Variants in STRADA observed in about 807,000 individuals in gnomAD.
STRADA encodes the protein STE20 related adaptor alpha.
Under a neutral mutation model 55.0 loss-of-function variants are expected in STRADA, and 26 were observed. The observed-to-expected ratio is 0.47, with a 90% confidence interval of 0.35 to 0.66. The LOEUF is 0.66. Ranked by LOEUF, STRADA falls within the 30% of genes least tolerant of loss-of-function variation. The probability of loss-of-function intolerance (pLI) is 0.01; values close to 1 mark genes in which losing one functional copy is unlikely to be tolerated. For synonymous variants in STRADA, 197 were observed against 210.9 expected, an observed-to-expected ratio of 0.93 and a Z score of 0.57; for missense variants, 443 against 549.7, an observed-to-expected ratio of 0.81 and a Z score of 1.94.
rs929835657 is a variant in STRADA, at chr17:63,713,264, G to A, written c.348+142C>T. The A allele has an allele frequency of 1.4e-5, 16 of 1,123,942 alleles. No individual in the cohort carries two copies. In the African/African-American group the frequency reaches 2.5e-4, roughly 18 times the overall value. The allele number at this position is 1,123,942 out of a possible 1,614,324, so 69.6% of individuals were successfully genotyped here. ...GCAGCATTTCAGCCCAATCCTTAGT[G>A]CCAAATGGCCAGGATTCTCCACTGA... On this transcript the variant is annotated intron_variant, in intron 6 of 12. Coordinates refer to ENST00000336174, the MANE Select transcript of STRADA (RefSeq NM_001003787.4).
At chr17:63,726,530 G>A (rs1251206935) in intron 3 of STRADA, 108 bp downstream of exon 3, 2 of 1,037,278 alleles carry the variant, frequency 1.9e-6, no homozygotes, top group African/African-American at 3.3e-5. Context: ...AACAACTGTA[G>A]GTTACACTTG....
At position 63,710,752 on chromosome 17, in the gene STRADA, C is replaced by T; in HGVS notation, c.433G>A (p.Val145Ile). 2 of 1,614,200 alleles carry T rather than the reference C, an allele frequency of 1.2e-6. No individual in the cohort carries two copies. The highest frequency in any genetic ancestry group is 1.7e-6 in the Non-Finnish European group (2 of 1,180,026). Residue 145 changes from valine to isoleucine, a missense_variant, in exon 7 of 13, where the codon GTT becomes ATT. Val to Ile is a conservative substitution (Grantham distance 29). Coordinates refer to ENST00000336174, the MANE Select transcript of STRADA (RefSeq NM_001003787.4). ...CCGTATGCCATGAATGATGTGACAACCCACAGCTCATTGTCTGCAATAAAA... is the reference window on the plus strand; with the variant it reads ...CCGTATGCCATGAATGATGTGACAATCCACAGCTCATTGTCTGCAATAAAA... ...ATFIADNELW[V>I]VTSFMAYGSA...
rs192241623 is a variant in STRADA, at chr17:63,713,042, C to T, written c.348+364G>A. 3.3e-5 allele frequency among the ~76,000 whole-genome samples: 5 copies of T among 151,328 alleles called. No individual in the cohort carries two copies. In the East Asian group the frequency reaches 9.7e-4, roughly 29 times the overall value. ...AAAAGAAAAAGAAAGGAACATCAGG[C>T]AAACAGGAGGCTGAGAGCCAGAAGA... is the stretch of plus-strand genomic sequence containing the variant. On this transcript the variant is annotated intron_variant, in intron 6 of 12. Coordinates refer to ENST00000336174, the MANE Select transcript of STRADA (RefSeq NM_001003787.4).
At chr17:63,707,163 A>G (rs1353062759) in intron 9 of STRADA, 84 bp downstream of exon 9, 1 of 1,556,840 alleles carries the variant, frequency 6.4e-7, no homozygotes, top group East Asian at 2.3e-5. Context: ...GGAGGTTGAG[A>G]GCCCCCGACT....
intron 8 of STRADA, among the ~76,000 whole-genome samples, chr17:63,709,640 C>A (rs1208488799): frequency 1.3e-5 from 2 of 152,130 alleles, no homozygotes; most frequent in African/African-American, 4.8e-5. Flanking sequence ...TTATTACATG[C>A]CTCAGGTCAC....
intron 1 of STRADA, among the ~76,000 whole-genome samples, chr17:63,731,109 A>C (rs950774243): frequency 2.0e-5 from 3 of 150,822 alleles, no homozygotes; most frequent in South Asian, 2.1e-4. Context: ...ACACCCTGCT[A>C]AGTTTTGTAT....
intron 1 of STRADA, among the ~76,000 whole-genome samples, chr17:63,740,519 A>C (rs964407054): frequency 7.2e-5 from 11 of 152,128 alleles, no homozygotes; most frequent in Admixed American, 7.2e-4. Context: ...TCTCAAAAAA[A>C]TTAAAATAAA....
chr17:63,741,919 C>T (rs2038984985), upstream of STRADA: 1 of 152,324 alleles, frequency 6.6e-6, no homozygotes, highest in Non-Finnish European at 1.5e-5. Flanking sequence ...GAAGTCCCGC[C>T]CTTTCCGAGT....
At chr17:63,733,616 G>A (rs2038221136) in intron 1 of STRADA, among the ~76,000 whole-genome samples, 1 of 152,188 alleles carries the variant, frequency 6.6e-6, no homozygotes, top group Non-Finnish European at 1.5e-5. Context: ...GTCTGCTTAC[G>A]TGGTTAGCCA....
chr17:63,705,080 G>C, intron 10 of STRADA: 1 of 676,000 alleles, frequency 1.5e-6, no homozygotes, highest in Non-Finnish European at 2.6e-6. Flanking sequence ...CTGGGTGGCT[G>C]TTCCAAAGTA....
chr17:63,711,969 T>G (rs373254526), intron 6 of STRADA, among the ~76,000 whole-genome samples: 2 of 151,782 alleles, frequency 1.3e-5, no homozygotes, highest in African/African-American at 4.8e-5. Context: ...GAAAACACAG[T>G]TGATGGAGGA....
At chr17:63,728,806 C>T (rs1347106174) in intron 1 of STRADA, among the ~76,000 whole-genome samples, 2 of 145,874 alleles carry the variant, frequency 1.4e-5, no homozygotes, top group Non-Finnish European at 3.0e-5. Flanking sequence ...ACTTAAGAAT[C>T]GTTTGAACCC....
At chr17:63,727,725 A>G (rs1175855403) in intron 2 of STRADA, 1 of 152,250 alleles carries the variant, frequency 6.6e-6, no homozygotes, top group East Asian at 1.9e-4. Context: ...TGGTATACTC[A>G]TAATATCTCA....
chr17:63,704,364 G>A lies in STRADA; in HGVS notation c.1077C>T (p.Cys359=), dbSNP rs2035927321. The A allele has an allele frequency of 6.2e-7, 1 of 1,612,970 alleles. No homozygotes were observed. Among genetic ancestry groups the A allele is most frequent in the African/African-American group, 1.3e-5 (1 of 75,022 alleles). ...ACCTGGCATCCGGGTTGCGCTGAAG[G>A]CACTGCTCCACAAAGTGGTGGAAGT... ...SPHFHHFVEQ[C]LQRNPDARPS... Residue 359 remains cysteine, a synonymous_variant, in exon 11 of 13, where the codon TGC becomes TGT. Coordinates refer to ENST00000336174, the MANE Select transcript of STRADA (RefSeq NM_001003787.4).
intron 8 of STRADA, among the ~76,000 whole-genome samples, chr17:63,708,885 G>A (rs1412019851): frequency 6.6e-6 from 1 of 152,180 alleles, no homozygotes; most frequent in East Asian, 1.9e-4. Flanking sequence ...CTTCTTATCT[G>A]TAGGACTCTT....
chr17:63,714,099 C>G lies in STRADA; in HGVS notation c.133G>C (p.Ala45Pro), dbSNP rs922514948. 9.4e-6 allele frequency: 15 copies of G among 1,592,256 alleles called. No individual in the cohort carries two copies. The highest frequency in any genetic ancestry group is 1.2e-5 in the Non-Finnish European group (14 of 1,166,252). Residue 45 changes from alanine to proline, a missense_variant, in exon 5 of 13, where the codon GCG becomes CCG. Physicochemically the swap from Ala to Pro is conservative, Grantham distance 27 (BLOSUM62 -1). Transcript: ENST00000336174. ...AAGGATGCTATTGACTCTGAGCTCG[C>G]ATCATTGGTCTAAAAAAGAAAAAGA... ...PGDTRRKTND[A>P]SSESIASFSK...
At chr17:63,711,465 C>T (rs928392475) in intron 6 of STRADA, among the ~76,000 whole-genome samples, 3 of 152,196 alleles carry the variant, frequency 2.0e-5, no homozygotes, top group Non-Finnish European at 2.9e-5. Flanking sequence ...ATCCTCCCAC[C>T]TCAGCCTCGC....
intron 1 of STRADA, among the ~76,000 whole-genome samples, chr17:63,736,584 C>T (rs184602511): frequency 5.3e-5 from 8 of 150,682 alleles, no homozygotes; most frequent in East Asian, 2.0e-4. Context: ...GCCAAGATCA[C>T]GCCATTGCAC....
At chr17:63,709,966 C>T (rs1711933743) in intron 8 of STRADA, among the ~76,000 whole-genome samples, 1 of 151,862 alleles carries the variant, frequency 6.6e-6, no homozygotes, top group South Asian at 2.1e-4. Context: ...TCAGTGGCTT[C>T]AGCACTAACA....
Sources: allele counts gnomAD v4.1 joint callset (sites outside exome capture counted in the v4.1 genomes callset), GRCh38; gene constraint gnomAD v4.1.1; transcripts MANE v1.5; gene names NCBI Gene and HGNC (gene_info 2026-07-23, HGNC 2026-07-21).